Variants in TRIO observed in about 807,000 individuals in gnomAD.
The protein encoded by TRIO is triple functional domain protein.
A neutral mutation model predicts 351.9 loss-of-function variants in TRIO; 58 were observed. That is an observed-to-expected ratio of 0.16 (90% CI 0.13 to 0.21). TRIO has a LOEUF of 0.21. TRIO is among the 10% of genes least tolerant of loss of function. The pLI is 1.00. For synonymous variants in TRIO, 1,758 were observed against 1,595.7 expected, an observed-to-expected ratio of 1.10 and a Z score of -2.42; for missense variants, 3,201 against 4,027.8, an observed-to-expected ratio of 0.79 and a Z score of 5.56.
chr5:14,262,653 T>C (rs1795419431), intron 1 of TRIO, among the ~76,000 whole-genome samples: 1 of 152,102 alleles, frequency 6.6e-6, no homozygotes. Context: ...GGGTGCTTCA[T>C]GGGACTGTGG....
At chr5:14,336,271 G>C (rs573643144) in intron 10 of TRIO, among the ~76,000 whole-genome samples, 1 of 152,288 alleles carries the variant, frequency 6.6e-6, no homozygotes, top group Admixed American at 6.5e-5. Flanking sequence ...AAGACAGCCA[G>C]CAATTGCCTG....
At chr5:14,274,455 TAGG>T (rs930629486) in intron 2 of TRIO, among the ~76,000 whole-genome samples, 1 of 152,196 alleles carries the variant, frequency 6.6e-6, no homozygotes, top group Admixed American at 6.5e-5. Context: ...GGAGTTTTAT[TAGG>T]AGAGTCTTGT....
chr5:14,338,295 C>G (rs1465097696), intron 11 of TRIO, among the ~76,000 whole-genome samples: 1 of 152,174 alleles, frequency 6.6e-6, no homozygotes, highest in East Asian at 1.9e-4. Context: ...CTGATACCTC[C>G]ACATCCTCAC....
intron 1 of TRIO, among the ~76,000 whole-genome samples, chr5:14,246,136 T>C (rs1269484496): frequency 2.6e-5 from 4 of 152,354 alleles, no homozygotes; most frequent in Admixed American, 1.3e-4. Context: ...AGCTACAGTT[T>C]CGTTGTATCC....
chr5:14,416,650 A>G (rs974001259), intron 33 of TRIO, among the ~76,000 whole-genome samples: 14 of 152,196 alleles, frequency 9.2e-5, no homozygotes, highest in African/African-American at 3.4e-4. Context: ...GATGTTTCCA[A>G]TAGTTTTTGA....
At chr5:14,170,504 C>G (rs558298018) in intron 1 of TRIO, among the ~76,000 whole-genome samples, 1,803 of 125,140 alleles carry the variant, frequency 0.014, 38 homozygotes, top group African/African-American at 0.058. Context: ...TGAAGCTTCT[C>G]TCTCTTTTTT....
intron 33 of TRIO, among the ~76,000 whole-genome samples, chr5:14,414,178 T>C (rs1208619216): frequency 6.6e-6 from 1 of 152,152 alleles, no homozygotes; most frequent in Non-Finnish European, 1.5e-5. Context: ...CTCGTTCCCT[T>C]TTCCACTTCA....
chr5:14,260,749 T>C (rs1795296803), intron 1 of TRIO, among the ~76,000 whole-genome samples: 1 of 152,234 alleles, frequency 6.6e-6, no homozygotes, highest in African/African-American at 2.4e-5. Flanking sequence ...TATCTTAACG[T>C]TGTGGAGTAC....
chr5:14,448,114 ATTTGT>A (rs774367329), intron 34 of TRIO, among the ~76,000 whole-genome samples: 54 of 152,180 alleles, frequency 3.5e-4, no homozygotes, highest in Non-Finnish European at 7.3e-4. Flanking sequence ...CGCATGCTGA[ATTTGT>A]TTTGTTTTGT....
Position 14,508,326 on chromosome 5 carries a change from G to A in TRIO, c.9198G>A (p.Leu3066=), listed in dbSNP as rs1436985009. The change falls in exon 57 of 57, where the codon CTG becomes CTA. Residue 3066 remains leucine, a synonymous_variant. Coordinates refer to ENST00000344204, the MANE Select transcript of TRIO (RefSeq NM_007118.4). ...CGGGCGTCCTCGACACGTCCAGACT[G>A]ACTTCCTTCATTGAGCGGCGCAAAC... The part of the protein sequence containing the change: ...RSTGVLDTSR[L]TSFIERRKHQ... The A allele has an allele frequency of 6.2e-7, 1 of 1,614,018 alleles. No homozygotes were observed. Among genetic ancestry groups the A allele is most frequent in the East Asian group, 2.2e-5 (1 of 44,884 alleles).
rs13161703 is a variant in TRIO, at chr5:14,488,489, C to T, written c.7632+229C>T. ...TAAGAGCAAGCCGATCATTAACCTTCTCAACGCAGCGTCTTTTGGTTTCTT... is the reference window on the plus strand; with the variant it reads ...TAAGAGCAAGCCGATCATTAACCTTTTCAACGCAGCGTCTTTTGGTTTCTT... On this transcript the variant is annotated intron_variant, in intron 48 of 56. Transcript: ENST00000344204. The T allele has an allele frequency of 1.6e-3, 972 of 591,430 alleles. 5 individuals are homozygous for T. Among genetic ancestry groups the T allele is most frequent in the Non-Finnish European group, 2.2e-3 (758 of 350,396 alleles). 36.6% of individuals were successfully genotyped at this position (591,430 alleles called of 1,614,324 possible). A position where few individuals can be genotyped will look rare whatever the true frequency, so the allele number is the denominator to read the frequency against.
chr5:14,414,594 T>C (rs1048503196), intron 33 of TRIO, among the ~76,000 whole-genome samples: 2 of 152,196 alleles, frequency 1.3e-5, no homozygotes, highest in African/African-American at 2.4e-5. Flanking sequence ...GAAAACGTTT[T>C]TTCTCACCGA....
Position 14,487,530 on chromosome 5 carries a change from G to A in TRIO, c.6902G>A (p.Gly2301Asp), listed in dbSNP as rs1271637211. 9.8e-7 allele frequency: 1 copy of A among 1,016,858 alleles called. No individual in the cohort carries two copies. The allele number at this position is 1,016,858 out of a possible 1,614,324, so 63.0% of individuals were successfully genotyped here. ...GGCGGCGGCGGCGGCGGCAGCGGGGGCAGCGGCGGGGGTGGGGGCAGCGGC... is the reference window on the plus strand; with the variant it reads ...GGCGGCGGCGGCGGCGGCAGCGGGGACAGCGGCGGGGGTGGGGGCAGCGGC... Reference protein sequence around the residue: ...SGGGGGGGSGGSGGGGGSGGG... With the variant: ...SGGGGGGGSGDSGGGGGSGGG... Residue 2301 changes from glycine to aspartate, a missense_variant, in exon 48 of 57, where the codon GGC becomes GAC. Gly to Asp is a moderately conservative substitution (Grantham distance 94). Transcript: ENST00000344204.
At chr5:14,331,312 C>G (rs1740886044) in intron 10 of TRIO, among the ~76,000 whole-genome samples, 1 of 152,118 alleles carries the variant, frequency 6.6e-6, no homozygotes. Context: ...CCAGTGTGTT[C>G]CGAATGTGGG....
At chr5:14,463,892 C>A (rs909013587) in intron 36 of TRIO, among the ~76,000 whole-genome samples, 1 of 152,098 alleles carries the variant, frequency 6.6e-6, no homozygotes, top group African/African-American at 2.4e-5. Flanking sequence ...TCCTCTTAAC[C>A]CAAGGCAGAC....
chr5:14,151,778 A>C (rs894750450), intron 1 of TRIO, among the ~76,000 whole-genome samples: 1 of 152,212 alleles, frequency 6.6e-6, no homozygotes, highest in Non-Finnish European at 1.5e-5. Flanking sequence ...CTGCCATTGA[A>C]GGATGCCACT....
At chr5:14,206,028 C>A (rs1205250942) in intron 1 of TRIO, among the ~76,000 whole-genome samples, 5 of 151,982 alleles carry the variant, frequency 3.3e-5, no homozygotes, top group Non-Finnish European at 7.4e-5. Context: ...GCCACTGTGC[C>A]CGGCCAAATA....
Position 14,286,503 on chromosome 5 carries a change from C to T in TRIO, c.348-368C>T, listed in dbSNP as rs1736456047. Reference sequence around the variant, plus strand: ...CAGGGTTTTGTACTCACCCGATGCTCCCTGGAGACCTTTGCTCGCAGGAGT... The same window carrying T: ...CAGGGTTTTGTACTCACCCGATGCTTCCTGGAGACCTTTGCTCGCAGGAGT... On this transcript the variant is annotated intron_variant, in intron 3 of 56. Coordinates refer to ENST00000344204, the MANE Select transcript of TRIO (RefSeq NM_007118.4). The surrounding 1 kb of genome is among the most constrained non-coding windows in gnomAD (Gnocchi z 4.4). Among the ~76,000 whole-genome samples the T allele has an allele frequency of 6.6e-6, 1 of 152,056 alleles. No individual in the cohort carries two copies. The highest frequency in any genetic ancestry group is 2.4e-5 in the African/African-American group (1 of 41,382).
chr5:14,505,083 G>A (rs965462780), intron 55 of TRIO, among the ~76,000 whole-genome samples: 6 of 152,262 alleles, frequency 3.9e-5, no homozygotes, highest in Non-Finnish European at 7.3e-5. Context: ...AAGAGGGGGC[G>A]CGGGCACACC....
Sources: gnomAD v4.1 joint callset for allele counts (sites outside exome capture counted in the v4.1 genomes callset) on GRCh38, gnomAD v4.1.1 for gene constraint, Gnocchi (gnomAD v3.1) non-coding constraint, MANE v1.5 for transcripts, NCBI Gene and HGNC (gene_info 2026-07-23, HGNC 2026-07-21) for gene names.